The following RNFT2 variants were observed in gnomAD, a reference collection of about 807,000 sequenced individuals.
The protein encoded by RNFT2 is E3 ubiquitin-protein ligase RNFT2.
RNFT2 carries 36 observed loss-of-function variants against 53.0 expected under a neutral mutation model. That is an observed-to-expected ratio of 0.68 (90% CI 0.52 to 0.90). RNFT2 has a LOEUF of 0.90. RNFT2 is among the 40% of genes least tolerant of loss of function. The pLI is 0.00. For missense variants in RNFT2, 514 were observed against 585.6 expected (o/e 0.88, Z 1.26); for synonymous variants, 260 against 253.2 (o/e 1.03, Z -0.26).
intron 10 of RNFT2, among the ~76,000 whole-genome samples, chr12:116,841,035 G>A (rs986639356): frequency 6.6e-6 from 1 of 152,000 alleles, no homozygotes; most frequent in Non-Finnish European, 1.5e-5. Flanking sequence ...AATGAGTAAG[G>A]GTTTTCACTA....
intron 7 of RNFT2, among the ~76,000 whole-genome samples, chr12:116,797,792 C>T (rs1874576071): frequency 1.3e-5 from 2 of 152,222 alleles, no homozygotes; most frequent in Non-Finnish European, 2.9e-5. Context: ...GGCAATTTTG[C>T]AGCCATATTT....
chr12:116,814,803 C>T (rs889626435), intron 7 of RNFT2, among the ~76,000 whole-genome samples: 37 of 152,042 alleles, frequency 2.4e-4, no homozygotes, highest in African/African-American at 7.7e-4. Flanking sequence ...TTCAGCCTCC[C>T]GAGTAGCTGG....
chr12:116,772,227 G>A (rs1328932241), intron 6 of RNFT2, among the ~76,000 whole-genome samples: 1 of 152,166 alleles, frequency 6.6e-6, no homozygotes, highest in Non-Finnish European at 1.5e-5. Context: ...AAAGTGCTGG[G>A]AATACTGGCA....
Position 116,750,167 on chromosome 12 carries a change from A to C in RNFT2, c.410A>C (p.His137Pro). The C allele has an allele frequency of 6.3e-7, 1 of 1,593,274 alleles. No individual in the cohort carries two copies. Among genetic ancestry groups the C allele is most frequent in the Non-Finnish European group, 8.5e-7 (1 of 1,175,076 alleles). ...LQHVGGDHRGHSEEGGDEQPG... is the reference protein window; with the variant it reads ...LQHVGGDHRGPSEEGGDEQPG... Reference sequence around the variant, plus strand: ...CACGTGGGTGGGGACCACCGGGGGCACTCGGAGGAGGGAGGCGACGAGCAG... The same window carrying C: ...CACGTGGGTGGGGACCACCGGGGGCCCTCGGAGGAGGGAGGCGACGAGCAG... The change falls in exon 4 of 11, where the codon CAC (histidine) becomes CCC (proline). Residue 137 changes from histidine to proline, a missense_variant. His to Pro is a moderately conservative substitution (Grantham distance 77, BLOSUM62 -2). Transcript: ENST00000257575.
In RNFT2 at chr12:116,852,506, A is replaced by C; in HGVS notation, c.*3058A>C. ...TGATGTTACAATCCCACTTGCCTGA[A>C]TAATCAAGTGGGAAGGGGAAGCAGA... On this transcript the variant is annotated 3_prime_UTR_variant, in exon 11 of 11. Transcript: ENST00000257575. 6.6e-7 allele frequency: 1 copy of C among 1,522,688 alleles called. No individual in the cohort carries two copies. Among genetic ancestry groups the C allele is most frequent in the Non-Finnish European group, 8.8e-7 (1 of 1,135,062 alleles). The allele number at this position is 1,522,688 out of a possible 1,614,324, so 94.3% of individuals were successfully genotyped here. A position where few individuals can be genotyped will look rare whatever the true frequency, so the allele number is the denominator to read the frequency against.
At position 116,759,048 on chromosome 12, in the gene RNFT2, A is replaced by G. The variant is rs1302820459; in HGVS notation, c.627+4988A>G. Among the ~76,000 whole-genome samples, 4 of 152,186 alleles carry G rather than the reference A, an allele frequency of 2.6e-5. No homozygotes were observed. The East Asian group carries it at 5.8e-4, about 22-fold the overall frequency. Reference sequence around the variant, plus strand: ...CCCAGACTTCTTGGAGGCTTTGTTCATATTTTCTTATTCCCTTTTCTTTGT... The same window carrying G: ...CCCAGACTTCTTGGAGGCTTTGTTCGTATTTTCTTATTCCCTTTTCTTTGT... On this transcript the variant is annotated intron_variant, in intron 5 of 10. Coordinates refer to ENST00000257575, the MANE Select transcript of RNFT2 (RefSeq NM_001382266.1).
chr12:116,832,906 T>TG (rs1324409217), intron 7 of RNFT2, among the ~76,000 whole-genome samples: 1 of 142,350 alleles, frequency 7.0e-6, no homozygotes, highest in Non-Finnish European at 1.5e-5. Context: ...TTCTTTTTTT[T>TG]TTTTTTTTTT....
At chr12:116,800,604 A>C (rs1250763352) in intron 7 of RNFT2, among the ~76,000 whole-genome samples, 1 of 150,782 alleles carries the variant, frequency 6.6e-6, no homozygotes, top group Non-Finnish European at 1.5e-5. Context: ...ACTGCCCTCC[A>C]GCTTGGGTGA....
intron 7 of RNFT2, among the ~76,000 whole-genome samples, chr12:116,818,320 C>A (rs1396724624): frequency 3.7e-4 from 52 of 141,068 alleles, no homozygotes; most frequent in Non-Finnish European, 4.0e-4. Context: ...GGCCCTATCT[C>A]AAAAAAAAAA....
chr12:116,817,074 G>A (rs1221274647), intron 7 of RNFT2, among the ~76,000 whole-genome samples: 2 of 152,110 alleles, frequency 1.3e-5, no homozygotes, highest in African/African-American at 4.8e-5. Context: ...ATACAGTGGT[G>A]CGATCGCAGC....
At chr12:116,824,489 A>G (rs1876221169) in intron 7 of RNFT2, among the ~76,000 whole-genome samples, 1 of 152,184 alleles carries the variant, frequency 6.6e-6, no homozygotes, top group African/African-American at 2.4e-5. Context: ...GCCTGGGAGT[A>G]TGACACCTTC....
chr12:116,753,148 C>CTTTTTTTTT (rs11377177), intron 4 of RNFT2, among the ~76,000 whole-genome samples: 114 of 93,706 alleles, frequency 1.2e-3, no homozygotes, highest in Non-Finnish European at 1.7e-3. Context: ...TTTTCTTTTT[C>CTTTTTTTTT]TTTTTTTTTT....
chr12:116,836,950 A>G (rs188916813), intron 10 of RNFT2, among the ~76,000 whole-genome samples: 1 of 152,216 alleles, frequency 6.6e-6, no homozygotes, highest in Admixed American at 6.5e-5. Context: ...AAAAGGACAT[A>G]ATAATAACAG....
intron 7 of RNFT2, among the ~76,000 whole-genome samples, chr12:116,792,425 C>T (rs957879368): frequency 2.6e-5 from 4 of 152,090 alleles, no homozygotes; most frequent in Non-Finnish European, 5.9e-5. Context: ...AAGTCCAGGC[C>T]AGAGCTACCT....
intron 7 of RNFT2, among the ~76,000 whole-genome samples, chr12:116,788,430 CTT>C (rs1200211037): frequency 6.6e-6 from 1 of 152,204 alleles, no homozygotes; most frequent in African/African-American, 2.4e-5. Flanking sequence ...AGCCTTCCCT[CTT>C]TCTCATGTCT....
intron 10 of RNFT2, among the ~76,000 whole-genome samples, chr12:116,838,464 T>C (rs534632861): frequency 6.6e-6 from 1 of 152,330 alleles, no homozygotes; most frequent in African/African-American, 2.4e-5. Context: ...CAGTTATTGC[T>C]AAACTGCCCT....
intron 3 of RNFT2, among the ~76,000 whole-genome samples, chr12:116,747,241 A>G (rs1455397428): frequency 2.6e-5 from 4 of 152,070 alleles, no homozygotes; most frequent in Admixed American, 2.6e-4. Flanking sequence ...TTTTTTGTAG[A>G]GACAGGTTCT....
chr12:116,750,128 G>T lies in RNFT2; in HGVS notation c.371G>T (p.Gly124Val). ...TTCCACCATGGCGGCCACCGCGGGG[G>T]CTCCCTGCTGCAGCACGTGGGTGGG... ...HHFHHGGHRG[G>V]SLLQHVGGDH... Residue 124 changes from glycine to valine, a missense_variant, in exon 4 of 11, where the codon GGC becomes GTC. Around this residue, in one of 3 missense-constraint regions of RNFT2, gnomAD observed 237 missense variants for 235.1 expected, o/e 1.01. Transcript: ENST00000257575. 1.3e-6 allele frequency: 2 copies of T among 1,575,712 alleles called. No homozygotes were observed. Among genetic ancestry groups the T allele is most frequent in the Non-Finnish European group, 8.6e-7 (1 of 1,167,284 alleles).
chr12:116,749,829 C>T lies in RNFT2; in HGVS notation c.84-12C>T, dbSNP rs1016225124. The T allele has an allele frequency of 1.9e-6, 3 of 1,563,390 alleles. No homozygotes were observed. The highest frequency in any genetic ancestry group is 1.7e-6 in the Non-Finnish European group (2 of 1,153,412). ...CCTGACTTCCTGGGGTTTCTCTCCCCTTGGCACCCAGAAACCGCAGCCAGG... is the reference window on the plus strand; with the variant it reads ...CCTGACTTCCTGGGGTTTCTCTCCCTTTGGCACCCAGAAACCGCAGCCAGG... On this transcript the variant is annotated splice_polypyrimidine_tract_variant and intron_variant, in intron 3 of 10. Coordinates refer to ENST00000257575, the MANE Select transcript of RNFT2 (RefSeq NM_001382266.1).
Sources: allele counts gnomAD v4.1 joint callset (sites outside exome capture counted in the v4.1 genomes callset), GRCh38; gene constraint gnomAD v4.1.1; regional missense constraint gnomAD v4.1.1; transcripts MANE v1.5; gene names NCBI Gene and HGNC (gene_info 2026-07-23, HGNC 2026-07-21).